GALNTL6: variants seen among roughly 807,000 people sequenced by gnomAD.
GALNTL6 encodes the protein polypeptide N-acetylgalactosaminyltransferase like 6.
GALNTL6 carries 46 observed loss-of-function variants against 73.7 expected under a neutral mutation model. That is an observed-to-expected ratio of 0.62 (90% CI 0.49 to 0.80). The LOEUF (loss-of-function observed/expected upper bound fraction) is 0.80, where lower values mean the gene tolerates loss of function less well. Ranked by LOEUF, GALNTL6 falls within the 30% of genes least tolerant of loss-of-function variation. The pLI, the probability that GALNTL6 is intolerant of heterozygous loss-of-function variation, is 0.00. For synonymous variants in GALNTL6, 259 were observed against 263.7 expected (o/e 0.98, Z 0.17); for missense variants, 604 against 755.0 (o/e 0.80, Z 2.34).
At chr4:172,018,361 C>T (rs939139429) in intron 2 of GALNTL6, among the ~76,000 whole-genome samples, 6 of 152,078 alleles carry the variant, frequency 3.9e-5, no homozygotes, top group African/African-American at 1.4e-4. Flanking sequence ...TGAGCTCAGA[C>T]TGTCCTTGGG....
At chr4:172,464,220 G>T (rs1350655637) in intron 5 of GALNTL6, among the ~76,000 whole-genome samples, 1 of 151,906 alleles carries the variant, frequency 6.6e-6, no homozygotes, top group Non-Finnish European at 1.5e-5. Flanking sequence ...TCTTTGTCTT[G>T]CCAGGTTTAG....
At chr4:173,002,646 T>A (rs538463838) in intron 10 of GALNTL6, among the ~76,000 whole-genome samples, 1 of 151,002 alleles carries the variant, frequency 6.6e-6, no homozygotes, top group African/African-American at 2.4e-5. Context: ...TACAAAAAAA[T>A]TAGCCAGGCG....
chr4:172,234,987 T>A (rs1196598375), intron 3 of GALNTL6, among the ~76,000 whole-genome samples: 1 of 152,156 alleles, frequency 6.6e-6, no homozygotes, highest in Non-Finnish European at 1.5e-5. Context: ...ACAGTAGTAG[T>A]TGATTATCTA....
chr4:172,634,169 G>C (rs1739539178), intron 5 of GALNTL6, among the ~76,000 whole-genome samples: 2 of 152,056 alleles, frequency 1.3e-5, no homozygotes, highest in Admixed American at 1.3e-4. Flanking sequence ...TCTGTATTTA[G>C]GACATCACTT....
chr4:172,262,997 C>T (rs761715352), intron 3 of GALNTL6, among the ~76,000 whole-genome samples: 21 of 151,476 alleles, frequency 1.4e-4, no homozygotes, highest in Non-Finnish European at 1.5e-4. Flanking sequence ...TGCTGTTAAT[C>T]TAAAGGTTTT....
chr4:173,007,491 G>A (rs1046176659), intron 10 of GALNTL6, among the ~76,000 whole-genome samples: 3 of 152,134 alleles, frequency 2.0e-5, no homozygotes, highest in Non-Finnish European at 4.4e-5. Flanking sequence ...CAGGAAGATT[G>A]GCGAAACCTT....
chr4:172,205,766 A>G (rs1340190146), intron 2 of GALNTL6, among the ~76,000 whole-genome samples: 1 of 152,200 alleles, frequency 6.6e-6, no homozygotes, highest in East Asian at 1.9e-4. Context: ...TTCCCTCTGA[A>G]GTGCACAGGC....
At chr4:172,615,368 A>G (rs899164217) in intron 5 of GALNTL6, among the ~76,000 whole-genome samples, 2 of 152,078 alleles carry the variant, frequency 1.3e-5, no homozygotes, top group African/African-American at 4.8e-5. Flanking sequence ...CTTCTGTATT[A>G]TAATAGCTCT....
chr4:172,674,816 C>T (rs1332986703), intron 5 of GALNTL6, among the ~76,000 whole-genome samples: 1 of 152,144 alleles, frequency 6.6e-6, no homozygotes, highest in Middle Eastern at 3.2e-3. Flanking sequence ...TTTTTCAGCT[C>T]TATCATGTCA....
At chr4:172,047,085 A>C (rs1742241408) in intron 2 of GALNTL6, among the ~76,000 whole-genome samples, 1 of 152,186 alleles carries the variant, frequency 6.6e-6, no homozygotes. Context: ...GGTTATTGAA[A>C]CAAACTAACC....
At chr4:172,710,177 T>C (rs1734614969) in intron 5 of GALNTL6, among the ~76,000 whole-genome samples, 1 of 152,190 alleles carries the variant, frequency 6.6e-6, no homozygotes, top group African/African-American at 2.4e-5. Context: ...AGGAGCATTC[T>C]AATCGTTTGC....
chr4:172,752,391 C>T (rs1737477588), intron 5 of GALNTL6, among the ~76,000 whole-genome samples: 1 of 151,962 alleles, frequency 6.6e-6, no homozygotes, highest in Non-Finnish European at 1.5e-5. Context: ...TTCATTTTTT[C>T]CCCTGAAGCA....
At chr4:171,829,389 T>C (rs1039121457) in intron 2 of GALNTL6, among the ~76,000 whole-genome samples, 1 of 152,114 alleles carries the variant, frequency 6.6e-6, no homozygotes, top group Admixed American at 6.6e-5. Flanking sequence ...AATCTCTTTA[T>C]TGGACTCTTA....
intron 5 of GALNTL6, among the ~76,000 whole-genome samples, chr4:172,406,690 T>G (rs183728347): frequency 4.2e-4 from 64 of 152,154 alleles, no homozygotes; most frequent in Non-Finnish European, 5.7e-4. Context: ...TCAGCCCACT[T>G]TTCTGAGTTT....
intron 2 of GALNTL6, among the ~76,000 whole-genome samples, chr4:171,948,817 T>C (rs1738779444): frequency 6.6e-6 from 1 of 152,064 alleles, no homozygotes; most frequent in African/African-American, 2.4e-5. Context: ...TCCTGAAAAA[T>C]AGGCAATATC....
At chr4:172,335,281 G>A (rs1490231837) in intron 4 of GALNTL6, among the ~76,000 whole-genome samples, 1 of 152,130 alleles carries the variant, frequency 6.6e-6, no homozygotes, top group Non-Finnish European at 1.5e-5. Flanking sequence ...TTGCATCCCA[G>A]GAATAAGGCC....
rs138246687 is a variant in GALNTL6 at position 172,543,150 on chromosome 4, G to A, written c.553+194461G>A. Among the ~76,000 whole-genome samples, 8 of 152,234 alleles carry A rather than the reference G, an allele frequency of 5.3e-5. No homozygotes were observed. In the East Asian group the frequency reaches 1.5e-3, roughly 29 times the overall value. On this transcript the variant is annotated intron_variant, in intron 5 of 12. Transcript: ENST00000506823. ...AAATCATTAAACCGGAATGCGATTTGCATCACAGGGAATTCTTTAAAAAGA... is the reference window on the plus strand; with the variant it reads ...AAATCATTAAACCGGAATGCGATTTACATCACAGGGAATTCTTTAAAAAGA...
chr4:172,297,380 C>T (rs569568858), intron 3 of GALNTL6, among the ~76,000 whole-genome samples: 8 of 151,974 alleles, frequency 5.3e-5, no homozygotes, highest in Non-Finnish European at 7.4e-5. Context: ...TTTGTCATTT[C>T]TGGCTTTTGT....
At chr4:173,014,811 C>T (rs1475256380) in intron 11 of GALNTL6, among the ~76,000 whole-genome samples, 6 of 152,126 alleles carry the variant, frequency 3.9e-5, no homozygotes, top group African/African-American at 9.7e-5. Flanking sequence ...ATAATACAAA[C>T]GGACCCAGGC....
Sources: allele counts gnomAD v4.1 joint callset (sites outside exome capture counted in the v4.1 genomes callset), GRCh38; gene constraint gnomAD v4.1.1; transcripts MANE v1.5; gene names NCBI Gene and HGNC (gene_info 2026-07-23, HGNC 2026-07-21).